Variants in ITFG1 observed in about 807,000 individuals in gnomAD.
ITFG1 encodes T-cell immunomodulatory protein.
In ITFG1, 34 loss-of-function variants were observed where a neutral mutation model predicts 81.8. That is an observed-to-expected ratio of 0.42 (90% CI 0.32 to 0.55). The LOEUF (loss-of-function observed/expected upper bound fraction) is 0.55. Among genes scored for constraint, ITFG1 ranks in the 20% least tolerant of loss-of-function variants. The pLI is 0.17. For synonymous variants in ITFG1, 285 were observed against 270.6 expected, an observed-to-expected ratio of 1.05 and a Z score of -0.52; for missense variants, 672 against 755.4, an observed-to-expected ratio of 0.89 and a Z score of 1.29.
At chr16:47,204,309 C>T (rs1315457451) in intron 14 of ITFG1, among the ~76,000 whole-genome samples, 2 of 152,188 alleles carry the variant, frequency 1.3e-5, no homozygotes, top group African/African-American at 4.8e-5. Context: ...TTCAAAACAA[C>T]TACTTTATGA....
intron 14 of ITFG1, among the ~76,000 whole-genome samples, chr16:47,195,084 CT>C (rs1280571312): frequency 6.6e-6 from 1 of 152,132 alleles, no homozygotes; most frequent in East Asian, 1.9e-4. Context: ...TTGCTTTCAT[CT>C]TTTTTTCACT....
At chr16:47,280,640 C>T (rs1966441429) in intron 10 of ITFG1, among the ~76,000 whole-genome samples, 1 of 152,118 alleles carries the variant, frequency 6.6e-6, no homozygotes. Context: ...ATGAGATGAG[C>T]TATCTCATCT....
At position 47,455,500 on chromosome 16, in the gene ITFG1, C is replaced by T. The variant is rs557130293; in HGVS notation, c.282-1342G>A. Among the ~76,000 whole-genome samples the T allele has an allele frequency of 5.3e-5, 8 of 151,772 alleles. No homozygotes were observed. The East Asian group carries it at 5.8e-4, about 11-fold the overall frequency. ...ACACCTGGCTGGGCGCGGTGGTTCA[C>T]GCCTGTAATCCCAGCACTTTGGGAG... is the stretch of plus-strand genomic sequence containing the variant. On this transcript the variant is annotated intron_variant, in intron 2 of 17. Transcript: ENST00000320640.
At position 47,237,475 on chromosome 16, in the gene ITFG1, G is replaced by A. The variant is rs188199325; in HGVS notation, c.1374+490C>T. On this transcript the variant is annotated intron_variant, in intron 13 of 17. Transcript: ENST00000320640. Reference sequence around the variant, plus strand: ...TTCTTATTACAGTTTACATGAATTGGTCTGTCAAAAACTAATTATTTTCAC... The same window carrying A: ...TTCTTATTACAGTTTACATGAATTGATCTGTCAAAAACTAATTATTTTCAC... 3.1e-3 allele frequency among the ~76,000 whole-genome samples: 468 copies of A among 152,172 alleles called. 2 individuals carry two copies. The highest frequency in any genetic ancestry group is 3.3e-3 in the Non-Finnish European group (225 of 68,000).
At chr16:47,329,183 T>A (rs1443649975) in intron 8 of ITFG1, among the ~76,000 whole-genome samples, 1 of 152,162 alleles carries the variant, frequency 6.6e-6, no homozygotes, top group East Asian at 1.9e-4. Flanking sequence ...GATTTTATAT[T>A]TGGGCAGAAG....
intron 6 of ITFG1, among the ~76,000 whole-genome samples, chr16:47,420,540 G>C (rs1179790893): frequency 6.6e-6 from 1 of 152,168 alleles, no homozygotes; most frequent in Non-Finnish European, 1.5e-5. Context: ...GAAGCGTGAG[G>C]ATCATGGGGG....
At chr16:47,215,573 A>G (rs574172607) in intron 14 of ITFG1, among the ~76,000 whole-genome samples, 21 of 152,288 alleles carry the variant, frequency 1.4e-4, no homozygotes, top group Admixed American at 6.5e-4. Flanking sequence ...TAAAAATCAC[A>G]CACATACAAT....
Position 47,376,306 on chromosome 16 carries a change from A to G in ITFG1, c.656-366T>C, listed in dbSNP as rs369127415. 2.2e-3 allele frequency among the ~76,000 whole-genome samples: 333 copies of G among 152,254 alleles called. 1 individual carries two copies. Among genetic ancestry groups the G allele is most frequent in the Non-Finnish European group, 3.8e-3 (255 of 67,996 alleles). ...CATTTGCTTTCTCACCCTGAAAGCA[A>G]GCAACACTTACCTATATATCATAGT... is the stretch of plus-strand genomic sequence containing the variant. On this transcript the variant is annotated intron_variant, in intron 6 of 17. Coordinates refer to ENST00000320640, the MANE Select transcript of ITFG1 (RefSeq NM_030790.5).
At chr16:47,217,627 A>G (rs961749781) in intron 14 of ITFG1, among the ~76,000 whole-genome samples, 12 of 152,218 alleles carry the variant, frequency 7.9e-5, no homozygotes, top group Middle Eastern at 3.2e-3. Flanking sequence ...ACAGTGGTAT[A>G]TTAAAGTATA....
At chr16:47,247,768 T>C (rs1044123807) in intron 12 of ITFG1, among the ~76,000 whole-genome samples, 19 of 152,230 alleles carry the variant, frequency 1.2e-4, no homozygotes, top group Non-Finnish European at 2.6e-4. Context: ...CCGGGATCTA[T>C]ATTGTTATCT....
intron 14 of ITFG1, among the ~76,000 whole-genome samples, chr16:47,173,895 C>T (rs1964991038): frequency 6.6e-6 from 1 of 152,110 alleles, no homozygotes; most frequent in South Asian, 2.1e-4. Flanking sequence ...ACAAAATTAG[C>T]TGGGCATGGT....
At chr16:47,224,084 G>C (rs1470216473) in intron 13 of ITFG1, among the ~76,000 whole-genome samples, 1 of 149,684 alleles carries the variant, frequency 6.7e-6, no homozygotes, top group African/African-American at 2.5e-5. Flanking sequence ...GGGAGGGGAG[G>C]GATAGCATTG....
intron 6 of ITFG1, among the ~76,000 whole-genome samples, chr16:47,376,753 C>T (rs900524528): frequency 2.6e-5 from 4 of 151,860 alleles, no homozygotes; most frequent in East Asian, 3.9e-4. Context: ...TTTGGGAAGC[C>T]GAGGTGGCAG....
chr16:47,317,481 AT>A (rs1967378537), intron 8 of ITFG1: 1 of 152,212 alleles, frequency 6.6e-6, no homozygotes, highest in Non-Finnish European at 1.5e-5. Context: ...GTTTAAGCAA[AT>A]TAGAACTCAT....
intron 14 of ITFG1, among the ~76,000 whole-genome samples, chr16:47,217,144 G>A (rs1357949940): frequency 1.3e-5 from 2 of 150,500 alleles, no homozygotes. Flanking sequence ...ATCATTATAT[G>A]AAAAAAAAAG....
chr16:47,409,188 T>G (rs760158967), intron 6 of ITFG1, among the ~76,000 whole-genome samples: 1 of 150,846 alleles, frequency 6.6e-6, no homozygotes, highest in Non-Finnish European at 1.5e-5. Flanking sequence ...ACTTCTGCAA[T>G]GAAGTTTTTG....
intron 8 of ITFG1, among the ~76,000 whole-genome samples, chr16:47,329,226 T>A (rs1236126452): frequency 6.6e-6 from 1 of 152,150 alleles, no homozygotes; most frequent in Non-Finnish European, 1.5e-5. Flanking sequence ...TTAAAGCTAT[T>A]CTAAAGAATT....
intron 6 of ITFG1, 47 bp downstream of exon 6, chr16:47,428,757 T>A: frequency 8.9e-7 from 1 of 1,122,210 alleles, no homozygotes; most frequent in Non-Finnish European, 1.4e-6. Flanking sequence ...TAAAATCCCA[T>A]ACTTCTTTGG....
At chr16:47,221,197 C>G (rs929557939) in intron 13 of ITFG1, among the ~76,000 whole-genome samples, 1 of 152,064 alleles carries the variant, frequency 6.6e-6, no homozygotes, top group Non-Finnish European at 1.5e-5. Flanking sequence ...TTTTAATGGA[C>G]TGAGAGCTTG....
Sources: allele counts gnomAD v4.1 joint callset (sites outside exome capture counted in the v4.1 genomes callset), GRCh38; gene constraint gnomAD v4.1.1; transcripts MANE v1.5; gene names NCBI Gene and HGNC (gene_info 2026-07-23, HGNC 2026-07-21).